Variants in MTMR10 observed in about 807,000 individuals in gnomAD.
MTMR10 encodes myotubularin-related protein 10.
A neutral mutation model predicts 88.1 loss-of-function variants in MTMR10; 56 were observed. The observed-to-expected ratio is 0.64, with a 90% confidence interval of 0.51 to 0.79. The LOEUF is 0.79. MTMR10 is among the 30% of genes least tolerant of loss of function. MTMR10 has a pLI of 0.00. For synonymous variants in MTMR10, 380 were observed against 340.9 expected, an observed-to-expected ratio of 1.11 and a Z score of -1.26; for missense variants, 883 against 924.7, an observed-to-expected ratio of 0.95 and a Z score of 0.58.
At chr15:30,979,107 G>C (rs1208258600) in intron 2 of MTMR10, among the ~76,000 whole-genome samples, 2 of 152,038 alleles carry the variant, frequency 1.3e-5, no homozygotes, top group African/African-American at 4.8e-5. Context: ...TTCAGATAGA[G>C]GACACAGCCC....
At chr15:30,949,351 T>C (rs1042122929) in intron 12 of MTMR10, 9 of 152,206 alleles carry the variant, frequency 5.9e-5, no homozygotes, top group Non-Finnish European at 4.4e-5. Flanking sequence ...CTGGAGAATC[T>C]AGCCAGAGCA....
chr15:30,929,905 AATAT>A, the MTMR10 span, among the ~76,000 whole-genome samples: 70 of 75,076 alleles, frequency 9.3e-4, 3 homozygotes, highest in Non-Finnish European at 1.4e-3. Context: ...TAATATATAA[AATAT>A]ATAATATATA....
At chr15:30,926,783 C>T in the MTMR10 span, 2 of 985,398 alleles carry the variant, frequency 2.0e-6, no homozygotes, top group Non-Finnish European at 1.2e-6. Flanking sequence ...CGCTGAAATG[C>T]TTTCAGTTGA....
the MTMR10 span, chr15:30,928,298 G>T: frequency 7.8e-7 from 1 of 1,274,652 alleles, no homozygotes; most frequent in Non-Finnish European, 9.9e-7. Flanking sequence ...CTGCTTTGTG[G>T]CTTTGAAATG....
chr15:30,925,884 G>GT, the MTMR10 span: 1 of 1,614,104 alleles, frequency 6.2e-7, no homozygotes, highest in Non-Finnish European at 8.5e-7. Flanking sequence ...CCACGGTCCT[G>GT]TGCTCTGTGG....
At chr15:30,946,985 TAATC>T in intron 14 of MTMR10, 141 bp downstream of exon 14, 1 of 1,090,558 alleles carries the variant, frequency 9.2e-7, no homozygotes, top group Non-Finnish European at 1.3e-6. Flanking sequence ...GTCTTCAAAA[TAATC>T]CATTCAGAAA....
At chr15:30,975,053 A>G in intron 3 of MTMR10, 50 bp from the exon 4 acceptor site, 4 of 1,336,570 alleles carry the variant, frequency 3.0e-6, no homozygotes, top group African/African-American at 1.5e-5. Flanking sequence ...ATAATCTCAC[A>G]ATGGTAGTAT....
chr15:30,945,346 GTAT>G (rs1298585783), intron 14 of MTMR10, among the ~76,000 whole-genome samples: 1 of 152,184 alleles, frequency 6.6e-6, no homozygotes, highest in Non-Finnish European at 1.5e-5. Context: ...CTTGTAGAAA[GTAT>G]TTTTTACAGC....
chr15:30,975,126 C>A, intron 3 of MTMR10, 123 bp from the exon 4 acceptor site: 1 of 667,826 alleles, frequency 1.5e-6, no homozygotes, highest in Non-Finnish European at 2.5e-6. Context: ...AAGCTTTTGT[C>A]TAGGTAGCTA....
chr15:30,939,044 A>T lies in MTMR10; in HGVS notation c.*2426T>A, dbSNP rs1030228849. 1.0e-6 allele frequency: 1 copy of T among 985,454 alleles called. No homozygotes were observed. Among genetic ancestry groups the T allele is most frequent in the Middle Eastern group, 5.2e-4 (1 of 1,914 alleles). The allele number at this position is 985,454 out of a possible 1,614,324, so 61.0% of individuals were successfully genotyped here. A position where few individuals can be genotyped will look rare whatever the true frequency, so the allele number is the denominator to read the frequency against. The stretch of plus-strand genomic sequence containing the variant: ...TTCTTGCTCATCCCACTTGAACTCA[A>T]GTCATCAATTTTAGGCACAAAGGTT... On this transcript the variant is annotated 3_prime_UTR_variant, in exon 16 of 16. Coordinates refer to ENST00000435680, the MANE Select transcript of MTMR10 (RefSeq NM_017762.3).
chr15:30,985,646 T>C (rs1194474954), intron 2 of MTMR10, among the ~76,000 whole-genome samples: 1 of 152,210 alleles, frequency 6.6e-6, no homozygotes, highest in Admixed American at 6.5e-5. Flanking sequence ...CAAGCTATAT[T>C]AGTTAAGGAT....
chr15:30,939,114 C>G lies in MTMR10; in HGVS notation c.*2356G>C. The G allele has an allele frequency of 1.0e-6, 1 of 985,444 alleles. No homozygotes were observed. Among genetic ancestry groups the G allele is most frequent in the Non-Finnish European group, 1.2e-6 (1 of 829,914 alleles). The allele number at this position is 985,444 out of a possible 1,614,324, so 61.0% of individuals were successfully genotyped here. A position where few individuals can be genotyped will look rare whatever the true frequency, so the allele number is the denominator to read the frequency against. On this transcript the variant is annotated 3_prime_UTR_variant, in exon 16 of 16. Coordinates refer to ENST00000435680, the MANE Select transcript of MTMR10 (RefSeq NM_017762.3). ...AAGTTTTAACCACTTGAGGTTACTACTGCAGCAAGCAGATTTTGTTGACAA... is the reference window on the plus strand; with the variant it reads ...AAGTTTTAACCACTTGAGGTTACTAGTGCAGCAAGCAGATTTTGTTGACAA...
intron 2 of MTMR10, among the ~76,000 whole-genome samples, chr15:30,987,895 C>T (rs901862454): frequency 1.1e-4 from 16 of 151,342 alleles, no homozygotes; most frequent in South Asian, 4.2e-4. Flanking sequence ...CGACAGGCCC[C>T]GGTGTGTGAT....
At chr15:30,932,752 C>T in the MTMR10 span, among the ~76,000 whole-genome samples, 25 of 139,278 alleles carry the variant, frequency 1.8e-4, no homozygotes, top group African/African-American at 4.8e-4. Flanking sequence ...CTCGCTCTGT[C>T]GCCCAGACTG....
chr15:30,948,684 A>G lies in MTMR10; in HGVS notation c.1208-213T>C, dbSNP rs7169542. 4,864 of 579,866 alleles carry G rather than the reference A, an allele frequency of 8.4e-3. 180 individuals are homozygous for G. The highest frequency in any genetic ancestry group is 0.081 in the African/African-American group (4,311 of 53,154). The allele number at this position is 579,866 out of a possible 1,614,324, so 35.9% of individuals were successfully genotyped here. On this transcript the variant is annotated intron_variant, in intron 12 of 15. Coordinates refer to ENST00000435680, the MANE Select transcript of MTMR10 (RefSeq NM_017762.3). ...TTTAATAGGAGATGGTCTTTTATAC[A>G]TGGATATTTGCCAGATAATAGAAGC... is the stretch of plus-strand genomic sequence containing the variant.
At chr15:30,947,456 A>G (rs1203762689) in intron 13 of MTMR10, among the ~76,000 whole-genome samples, 156 bp from the exon 14 acceptor site, 1 of 152,218 alleles carries the variant, frequency 6.6e-6, no homozygotes, top group Non-Finnish European at 1.5e-5. Flanking sequence ...CACATCTATC[A>G]AACCCAAGAA....
At chr15:30,976,786 G>C (rs748284186) in intron 3 of MTMR10, 33 bp downstream of exon 3, 2 of 1,593,132 alleles carry the variant, frequency 1.3e-6, no homozygotes, top group Non-Finnish European at 1.7e-6. Flanking sequence ...TTGAAAGCCT[G>C]ATAGAATGAA....
rs369893734 is a variant in MTMR10, at chr15:30,958,909, T to C, written c.889A>G (p.Met297Val). The C allele has an allele frequency of 9.3e-6, 15 of 1,613,826 alleles. No homozygotes were observed. The highest frequency in any genetic ancestry group is 1.2e-5 in the Non-Finnish European group (14 of 1,179,858). ...TGCAGCACGTCTTTGATGAGGGCCA[T>C]TCGCACAAGAGCACTGCCGTTAGAG... ...SHSNGSALVR[M>V]ALIKDVLQQR... Residue 297 changes from methionine (M) to valine (V), a missense_variant, in exon 9 of 16, where the codon ATG becomes GTG. Transcript: ENST00000435680.
chr15:30,978,600 T>C (rs936505596), intron 2 of MTMR10, among the ~76,000 whole-genome samples: 1 of 152,198 alleles, frequency 6.6e-6, no homozygotes, highest in South Asian at 2.1e-4. Flanking sequence ...GAGCTATAAA[T>C]AGGACATCTG....
Sources: allele counts gnomAD v4.1 joint callset (sites outside exome capture counted in the v4.1 genomes callset), GRCh38; gene constraint gnomAD v4.1.1; transcripts MANE v1.5; gene names NCBI Gene and HGNC (gene_info 2026-07-23, HGNC 2026-07-21).